Variants in SPATA17 observed in about 807,000 individuals in gnomAD.
SPATA17 encodes the protein spermatogenesis associated 17, also known as spermatogenesis-associated protein 17.
A neutral mutation model predicts 62.2 loss-of-function variants in SPATA17; 53 were observed. The ratio of observed to expected loss-of-function variants is 0.85; its 90% CI spans 0.68 to 1.07. The LOEUF (loss-of-function observed/expected upper bound fraction) is 1.07, where lower values mean the gene tolerates loss of function less well. Among genes scored for constraint, SPATA17 ranks in the 50% least tolerant of loss-of-function variants. The probability of loss-of-function intolerance (pLI) is 0.00; values close to 1 mark genes in which losing one functional copy is unlikely to be tolerated. For missense variants in SPATA17, 466 were observed against 425.5 expected (o/e 1.10, Z -0.84); for synonymous variants, 146 against 146.8 (o/e 0.99, Z 0.04).
chr1:217,804,265 A>G (rs1338727934), intron 9 of SPATA17, among the ~76,000 whole-genome samples: 2 of 152,206 alleles, frequency 1.3e-5, no homozygotes, highest in Admixed American at 6.5e-5. Flanking sequence ...TTTGTGCTCA[A>G]TTGATCTTTG....
At chr1:217,813,812 G>T (rs77597810) in intron 9 of SPATA17, among the ~76,000 whole-genome samples, 1 of 151,804 alleles carries the variant, frequency 6.6e-6, no homozygotes, top group African/African-American at 2.4e-5. Flanking sequence ...ATTTGTATAT[G>T]CATATATTTA....
chr1:217,670,970 A>G (rs1339950688), intron 4 of SPATA17, among the ~76,000 whole-genome samples: 2 of 151,394 alleles, frequency 1.3e-5, no homozygotes, highest in African/African-American at 4.9e-5. Flanking sequence ...AAAAAAAAAA[A>G]AAGAAATCCC....
chr1:217,789,710 A>G (rs1446578085), intron 8 of SPATA17, among the ~76,000 whole-genome samples: 2 of 152,036 alleles, frequency 1.3e-5, no homozygotes, highest in Non-Finnish European at 2.9e-5. Flanking sequence ...CTGATTGGCA[A>G]TTGGCTAAGA....
chr1:217,742,382 A>G (rs1454093352), intron 6 of SPATA17, among the ~76,000 whole-genome samples: 2 of 152,194 alleles, frequency 1.3e-5, no homozygotes, highest in Non-Finnish European at 2.9e-5. Flanking sequence ...CTCGCTTTCA[A>G]AACTCATTCT....
chr1:217,653,597 G>A (rs552580829), intron 3 of SPATA17, among the ~76,000 whole-genome samples: 1 of 143,822 alleles, frequency 7.0e-6, no homozygotes, highest in African/African-American at 3.0e-5. Flanking sequence ...AAACAAATGA[G>A]TGTGGTTGTA....
intron 9 of SPATA17, among the ~76,000 whole-genome samples, chr1:217,839,665 C>G (rs1675345740): frequency 6.6e-6 from 1 of 151,582 alleles, no homozygotes. Context: ...TACACTGTTT[C>G]AATCTTGCTA....
At chr1:217,720,132 C>T (rs1259940133) in intron 5 of SPATA17, among the ~76,000 whole-genome samples, 1 of 152,134 alleles carries the variant, frequency 6.6e-6, no homozygotes, top group Admixed American at 6.6e-5. Context: ...TTGACATATC[C>T]CTCCAGAACC....
intron 1 of SPATA17, among the ~76,000 whole-genome samples, chr1:217,633,788 G>T (rs915398835): frequency 4.6e-5 from 7 of 152,208 alleles, no homozygotes; most frequent in African/African-American, 1.4e-4. Context: ...GGACAAAAAG[G>T]CTTCTTCCTA....
At chr1:217,727,009 A>T (rs545230650) in intron 5 of SPATA17, among the ~76,000 whole-genome samples, 1 of 151,942 alleles carries the variant, frequency 6.6e-6, no homozygotes, top group Non-Finnish European at 1.5e-5. Flanking sequence ...GCACTTTGGG[A>T]GGCTGAGGCG....
chr1:217,727,621 T>C (rs1323221130), intron 5 of SPATA17, among the ~76,000 whole-genome samples: 1 of 152,178 alleles, frequency 6.6e-6, no homozygotes, highest in Non-Finnish European at 1.5e-5. Flanking sequence ...AGTCTGATTC[T>C]CTTAAAATGT....
chr1:217,760,380 T>C (rs1261835918), intron 6 of SPATA17, among the ~76,000 whole-genome samples: 2 of 152,200 alleles, frequency 1.3e-5, no homozygotes, highest in East Asian at 3.8e-4. Flanking sequence ...TTCTAATCAC[T>C]TAGCTCAATT....
chr1:217,635,743 G>T (rs1669921427), intron 1 of SPATA17, among the ~76,000 whole-genome samples: 1 of 150,394 alleles, frequency 6.6e-6, no homozygotes, highest in Admixed American at 6.6e-5. Context: ...TCAGTAGAAA[G>T]AAATGAGGAA....
intron 1 of SPATA17, among the ~76,000 whole-genome samples, chr1:217,637,606 A>G (rs1488622570): frequency 1.3e-5 from 2 of 152,206 alleles, no homozygotes; most frequent in African/African-American, 2.4e-5. Context: ...CTGACATAGT[A>G]AATTGACTGT....
rs1670699947 is a variant in SPATA17, at chr1:217,666,514, A to C, written c.241-2519A>C. 2.0e-5 allele frequency among the ~76,000 whole-genome samples: 3 copies of C among 152,054 alleles called. No individual in the cohort carries two copies. In the South Asian group the frequency reaches 6.2e-4, roughly 31 times the overall value. ...TAGAAAGCTTATGGAAATGCGGTTC[A>C]CATTTACATGTGTTTTTTTTTTTAG... is the stretch of plus-strand genomic sequence containing the variant. On this transcript the variant is annotated intron_variant, in intron 3 of 10. Coordinates refer to ENST00000366933, the MANE Select transcript of SPATA17 (RefSeq NM_138796.4).
intron 7 of SPATA17, among the ~76,000 whole-genome samples, chr1:217,777,457 A>G (rs1295771424): frequency 6.6e-6 from 1 of 151,998 alleles, no homozygotes; most frequent in Non-Finnish European, 1.5e-5. Context: ...GCTGGAGTGC[A>G]GTGGAGGGAT....
chr1:217,758,355 A>G (rs914349686), intron 6 of SPATA17, among the ~76,000 whole-genome samples: 2 of 152,166 alleles, frequency 1.3e-5, no homozygotes, highest in Non-Finnish European at 1.5e-5. Flanking sequence ...GCATTTGTTG[A>G]GTACTTACTT....
At position 217,870,144 on chromosome 1, in the gene SPATA17, T is replaced by C. The variant is rs1026355255; in HGVS notation, c.*3125T>C. The C allele has an allele frequency of 2.6e-5, 4 of 152,164 alleles. No individual in the cohort carries two copies. The highest frequency in any genetic ancestry group is 9.6e-5 in the African/African-American group (4 of 41,452). 9.4% of individuals were successfully genotyped at this position (152,164 alleles called of 1,614,324 possible). On this transcript the variant is annotated 3_prime_UTR_variant, in exon 11 of 11. Transcript: ENST00000366933. ...ATTTCCTCCCACATGTTCGTAAAAA[T>C]GGTAGCCATGGCCCCTGACTGAACC...
chr1:217,783,861 T>TA (rs1673791377), intron 8 of SPATA17, among the ~76,000 whole-genome samples: 1 of 152,162 alleles, frequency 6.6e-6, no homozygotes, highest in Admixed American at 6.6e-5. Flanking sequence ...TTCCATGGAA[T>TA]ACTTGTACAT....
At chr1:217,782,139 C>G (rs1673744254) in intron 7 of SPATA17, 35 bp from the exon 8 acceptor site, 1 of 1,534,248 alleles carries the variant, frequency 6.5e-7, no homozygotes, top group Non-Finnish European at 8.8e-7. Flanking sequence ...AAAAAATCTT[C>G]CATATAAAAT....
Sources: gnomAD v4.1 joint callset for allele counts (sites outside exome capture counted in the v4.1 genomes callset) on GRCh38, gnomAD v4.1.1 for gene constraint, MANE v1.5 for transcripts, NCBI Gene and HGNC (gene_info 2026-07-23, HGNC 2026-07-21) for gene names.